MAN2A1: variants seen among roughly 807,000 people sequenced by gnomAD.
MAN2A1 encodes the protein alpha-mannosidase 2.
MAN2A1 carries 76 observed loss-of-function variants against 142.6 expected under a neutral mutation model. The observed-to-expected ratio is 0.53, with a 90% CI of 0.44 to 0.65. The LOEUF is 0.65. Among genes scored for constraint, MAN2A1 ranks in the 30% least tolerant of loss-of-function variants. The pLI is 0.00. For synonymous variants in MAN2A1, 559 were observed against 473.2 expected (o/e 1.18, Z -2.35); for missense variants, 1,311 against 1,365.1 (o/e 0.96, Z 0.62).
intron 18 of MAN2A1, among the ~76,000 whole-genome samples, chr5:109,846,846 G>T (rs770278203): frequency 5.9e-5 from 9 of 152,074 alleles, no homozygotes; most frequent in Non-Finnish European, 1.3e-4. Context: ...ATAAACTCAT[G>T]CCATAAAGAC....
At chr5:109,864,883 A>G (rs1755840072) in intron 20 of MAN2A1, 153 bp from the exon 21 acceptor site, 1 of 627,708 alleles carries the variant, frequency 1.6e-6, no homozygotes. Context: ...GTGAATGGGC[A>G]GTGAGCATGG....
At chr5:109,802,856 T>G (rs1486764480) in intron 12 of MAN2A1, among the ~76,000 whole-genome samples, 2 of 152,140 alleles carry the variant, frequency 1.3e-5, no homozygotes, top group African/African-American at 4.8e-5. Context: ...TCAAAAGATT[T>G]ATCGTTCTAT....
chr5:109,842,284 A>G (rs1468181433), intron 16 of MAN2A1, 44 bp from the exon 17 acceptor site: 1 of 1,312,736 alleles, frequency 7.6e-7, no homozygotes, highest in Admixed American at 2.8e-5. Flanking sequence ...AGGTGAGGCA[A>G]GTAATTTCTT....
intron 2 of MAN2A1, among the ~76,000 whole-genome samples, chr5:109,715,885 T>G (rs1378641997): frequency 6.6e-6 from 1 of 152,086 alleles, no homozygotes; most frequent in African/African-American, 2.4e-5. Flanking sequence ...TTTTTTTTTA[T>G]TAGAAGCGGA....
At chr5:109,728,731 G>C (rs1445897805) in intron 3 of MAN2A1, among the ~76,000 whole-genome samples, 4 of 152,126 alleles carry the variant, frequency 2.6e-5, no homozygotes, top group African/African-American at 7.2e-5. Flanking sequence ...GTGTTACTTT[G>C]TGCTTCTAAG....
intron 12 of MAN2A1, among the ~76,000 whole-genome samples, chr5:109,815,248 G>C (rs1432644512): frequency 1.3e-5 from 2 of 152,166 alleles, no homozygotes; most frequent in Non-Finnish European, 1.5e-5. Context: ...TCTGGTAGGA[G>C]GGCTGTGGGA....
intron 17 of MAN2A1, among the ~76,000 whole-genome samples, chr5:109,845,163 A>G (rs565322630): frequency 6.6e-6 from 1 of 152,264 alleles, no homozygotes; most frequent in East Asian, 1.9e-4. Flanking sequence ...TTTATGTGGT[A>G]TCATTAAGAT....
intron 4 of MAN2A1, among the ~76,000 whole-genome samples, chr5:109,744,768 C>T (rs1053344153): frequency 6.6e-6 from 1 of 151,854 alleles, no homozygotes; most frequent in Non-Finnish European, 1.5e-5. Context: ...AGCAATTTAC[C>T]CAAGAGAAAT....
At chr5:109,788,051 A>G (rs903967345) in intron 10 of MAN2A1, among the ~76,000 whole-genome samples, 1 of 151,838 alleles carries the variant, frequency 6.6e-6, no homozygotes, top group Non-Finnish European at 1.5e-5. Flanking sequence ...TTGTTGTTGC[A>G]TGACAACAAA....
At position 109,869,199 on chromosome 5, in the gene MAN2A1, TA is replaced by T. The variant is rs1450903483; in HGVS notation, c.*2206del. The stretch of plus-strand genomic sequence containing the variant: ...ATAATTTAATGTCTCTGGCACACAC[TA>T]AAAACCATACACTTCAGTTGTGATC... On this transcript the variant is annotated 3_prime_UTR_variant, in exon 22 of 22. Coordinates refer to ENST00000261483, the MANE Select transcript of MAN2A1 (RefSeq NM_002372.4). 6.6e-6 allele frequency: 1 copy of T among 152,232 alleles called. No homozygotes were observed. Among genetic ancestry groups the T allele is most frequent in the Non-Finnish European group, 1.5e-5 (1 of 68,034 alleles). 9.4% of individuals were successfully genotyped at this position (152,232 alleles called of 1,614,324 possible). A position where few individuals can be genotyped will look rare whatever the true frequency, so the allele number is the denominator to read the frequency against.
intron 20 of MAN2A1, chr5:109,863,877 ACTCTT>A (rs1367388672): frequency 7.9e-5 from 12 of 152,108 alleles, no homozygotes; most frequent in Non-Finnish European, 1.3e-4. Flanking sequence ...TCCTTAAATG[ACTCTT>A]CTCTTCCTTC....
chr5:109,746,914 C>T (rs892370429), intron 4 of MAN2A1, among the ~76,000 whole-genome samples: 2 of 152,164 alleles, frequency 1.3e-5, no homozygotes, highest in African/African-American at 4.8e-5. Flanking sequence ...ATCTTCAAGG[C>T]TCATTCATGT....
At chr5:109,824,220 C>T (rs1329198231) in intron 16 of MAN2A1, among the ~76,000 whole-genome samples, 1 of 152,130 alleles carries the variant, frequency 6.6e-6, no homozygotes, top group Admixed American at 6.5e-5. Flanking sequence ...TTAAATATAG[C>T]CTGTATCACT....
chr5:109,864,071 A>G (rs1481033298), intron 20 of MAN2A1: 2 of 152,194 alleles, frequency 1.3e-5, no homozygotes, highest in East Asian at 3.8e-4. Flanking sequence ...ACATTAAAAA[A>G]TCTTATCCCC....
intron 6 of MAN2A1, 140 bp from the exon 7 acceptor site, chr5:109,770,215 A>G (rs1753106323): frequency 1.5e-6 from 1 of 682,158 alleles, no homozygotes. Context: ...GCTGGGGTAT[A>G]TGTACTGGAA....
chr5:109,778,046 A>G (rs1753343335), intron 8 of MAN2A1, among the ~76,000 whole-genome samples: 1 of 151,658 alleles, frequency 6.6e-6, no homozygotes, highest in Non-Finnish European at 1.5e-5. Flanking sequence ...GTCCTTTGTA[A>G]TTCTACATAG....
intron 1 of MAN2A1, among the ~76,000 whole-genome samples, chr5:109,697,706 C>G (rs1019864780): frequency 2.6e-5 from 4 of 152,330 alleles, no homozygotes; most frequent in African/African-American, 7.2e-5. Context: ...TATTTACTCT[C>G]TGGCCCTTTT....
chr5:109,726,847 T>G (rs1433805633), intron 3 of MAN2A1, among the ~76,000 whole-genome samples: 1 of 152,230 alleles, frequency 6.6e-6, no homozygotes, highest in Non-Finnish European at 1.5e-5. Context: ...TTATAGTTCT[T>G]TAGCTAGTAG....
At chr5:109,722,008 G>T (rs1008111664) in intron 3 of MAN2A1, among the ~76,000 whole-genome samples, 6 of 152,204 alleles carry the variant, frequency 3.9e-5, no homozygotes, top group Non-Finnish European at 7.3e-5. Flanking sequence ...AGTGGCAGGA[G>T]AGAGCATAAG....
Sources: gnomAD v4.1 joint callset for allele counts (sites outside exome capture counted in the v4.1 genomes callset) on GRCh38, gnomAD v4.1.1 for gene constraint, MANE v1.5 for transcripts, NCBI Gene and HGNC (gene_info 2026-07-23, HGNC 2026-07-21) for gene names.